The following CYP11B2 variants were observed in gnomAD, a reference collection of about 807,000 sequenced individuals.
The protein encoded by CYP11B2 is cytochrome P450 11B2, mitochondrial.
A neutral mutation model predicts 49.3 loss-of-function variants in CYP11B2; 38 were observed. The observed-to-expected ratio is 0.77, with a 90% confidence interval of 0.59 to 1.01. CYP11B2 has a LOEUF of 1.01. CYP11B2 is among the 50% of genes least tolerant of loss of function. The probability of loss-of-function intolerance (pLI) is 0.00; values close to 1 mark genes in which losing one functional copy is unlikely to be tolerated. For missense variants in CYP11B2, 669 were observed against 655.5 expected (o/e 1.02, Z -0.23); for synonymous variants, 290 against 269.3 (o/e 1.08, Z -0.75).
Position 142,914,375 on chromosome 8 carries a change from G to A in CYP11B2, c.843C>T (p.Asn281=), listed in dbSNP as rs763373087. 1.9e-6 allele frequency: 3 copies of A among 1,613,436 alleles called. No individual in the cohort carries two copies. The highest frequency in any genetic ancestry group is 1.7e-5 in the Admixed American group (1 of 59,982). Residue 281 remains asparagine (N), a synonymous_variant, in exon 5 of 9, where the codon AAC becomes AAT. Coordinates refer to ENST00000323110, the MANE Select transcript of CYP11B2 (RefSeq NM_000498.3). ...IQKIYQELAF[N]RPQHYTGIVA... is the part of the protein sequence containing the mutation. ...CGATGCCTGTGTAGTGTTGAGGGCGGTTGAAGGCCAGTTCCTGGTAGATTT... is the reference window on the plus strand; with the variant it reads ...CGATGCCTGTGTAGTGTTGAGGGCGATTGAAGGCCAGTTCCTGGTAGATTT...
chr8:142,912,911 G>A, intron 6 of CYP11B2, 26 bp from the exon 7 acceptor site: 1 of 1,604,458 alleles, frequency 6.2e-7, no homozygotes, highest in Non-Finnish European at 8.5e-7. Context: ...TCCATAGAAA[G>A]GGTCCTCAGC....
chr8:142,912,228 T>G, intron 8 of CYP11B2, 135 bp from the exon 9 acceptor site: 2 of 1,467,842 alleles, frequency 1.4e-6, no homozygotes, highest in Non-Finnish European at 1.9e-6. Flanking sequence ...ATCCCACTTC[T>G]GACCAGCCCC....
At chr8:142,915,401 T>C (rs1238164940) in intron 2 of CYP11B2, among the ~76,000 whole-genome samples, 156 bp from the exon 3 acceptor site, 1 of 151,524 alleles carries the variant, frequency 6.6e-6, no homozygotes, top group Non-Finnish European at 1.5e-5. Context: ...CTGCAGCCTT[T>C]TCTCAGAGCG....
At chr8:142,916,346 A>G in intron 2 of CYP11B2, 2 of 451,016 alleles carry the variant, frequency 4.4e-6, no homozygotes, top group Non-Finnish European at 8.9e-6. Context: ...CCTACCATGG[A>G]GTGGGGGCTG....
In CYP11B2 at chr8:142,911,990, G is replaced by A. The variant is rs201723054; in HGVS notation, c.1502C>T (p.Ala501Val). The change falls in exon 9 of 9, where the codon GCG (alanine) becomes GTG (valine). Residue 501 changes from alanine to valine, a missense_variant. Physicochemically the swap from Ala to Val is moderately conservative, Grantham distance 64. Coordinates refer to ENST00000323110, the MANE Select transcript of CYP11B2 (RefSeq NM_000498.3). ...GGTGCAGATGCAAGACTAGTTAATCGCTCTGAAAGTGAGGAGGGGGGACGT... is the reference window on the plus strand; with the variant it reads ...GGTGCAGATGCAAGACTAGTTAATCACTCTGAAAGTGAGGAGGGGGGACGT... ...PGTSPLLTFR[A>V]IN 1.9e-6 allele frequency: 3 copies of A among 1,613,858 alleles called. No homozygotes were observed. The highest frequency in any genetic ancestry group is 1.7e-5 in the Admixed American group (1 of 59,976).
chr8:142,916,771 C>G (rs149875249), intron 2 of CYP11B2, among the ~76,000 whole-genome samples: 24 of 152,286 alleles, frequency 1.6e-4, no homozygotes, highest in South Asian at 4.1e-4. Flanking sequence ...AGAAAGCAGC[C>G]GCCGAGGTTG....
In CYP11B2 at chr8:142,917,172, C is replaced by T. The variant is rs141789054; in HGVS notation, c.282G>A (p.Pro94=). The change falls in exon 2 of 9, where the codon CCG becomes CCA. Residue 94 remains proline, a synonymous_variant. Coordinates refer to ENST00000323110, the MANE Select transcript of CYP11B2 (RefSeq NM_000498.3). ...GGPRMVCVML[P]EDVEKLQQVD... is the part of the protein sequence containing the mutation. ...CCTGTTGCAGCTTCTCCACATCCTC[C>T]GGCAGCATCACACACACCATGCGTG... 2.0e-4 allele frequency: 316 copies of T among 1,614,168 alleles called. No homozygotes were observed. The African/African-American group carries it at 2.7e-3, about 14-fold the overall frequency.
intron 6 of CYP11B2, 24 bp downstream of exon 6, chr8:142,913,261 A>C: frequency 6.2e-7 from 1 of 1,611,016 alleles, no homozygotes; most frequent in Middle Eastern, 1.7e-4. Flanking sequence ...CCAGGGCCAC[A>C]GGGAGGCCTC....
intron 2 of CYP11B2, among the ~76,000 whole-genome samples, chr8:142,916,782 G>T (rs1158785668): frequency 1.3e-5 from 2 of 152,182 alleles, no homozygotes; most frequent in African/African-American, 4.8e-5. Context: ...GCCGAGGTTG[G>T]TGCAGAGCGG....
chr8:142,912,502 T>TGCC, intron 8 of CYP11B2, 28 bp downstream of exon 8: 1 of 1,235,732 alleles, frequency 8.1e-7, no homozygotes, highest in Non-Finnish European at 1.2e-6. Flanking sequence ...GCTGCCCAGG[T>TGCC]CCCGCCCCCG....
intron 2 of CYP11B2, among the ~76,000 whole-genome samples, 161 bp downstream of exon 2, chr8:142,916,898 G>A (rs1366453462): frequency 2.0e-5 from 3 of 152,152 alleles, no homozygotes; most frequent in South Asian, 2.1e-4. Flanking sequence ...GTGCAGACGC[G>A]ACCCCACAGG....
At position 142,913,374 on chromosome 8, in the gene CYP11B2, G is replaced by A. The variant is rs373010078; in HGVS notation, c.1032C>T (p.Ser344=). 6.2e-6 allele frequency: 10 copies of A among 1,613,806 alleles called. No individual in the cohort carries two copies. In the African/African-American group the frequency reaches 1.2e-4, roughly 19 times the overall value. Residue 344 remains serine (S), a synonymous_variant, in exon 6 of 9, where the codon AGC becomes AGT. Transcript: ENST00000323110. ...CACTGATGCTGGCTGCGGCGGCCAG[G>A]CTCTCCTGGCGCAGGATCTGCTGCA... ...PDVQQILRQE[S]LAAAASISEH...
chr8:142,911,920 C>T lies in CYP11B2; in HGVS notation c.*60G>A, dbSNP rs1009894155. The T allele has an allele frequency of 2.8e-5, 45 of 1,612,038 alleles. No individual in the cohort carries two copies. The highest frequency in any genetic ancestry group is 3.3e-5 in the Non-Finnish European group (39 of 1,179,028). On this transcript the variant is annotated 3_prime_UTR_variant, in exon 9 of 9. Coordinates refer to ENST00000323110, the MANE Select transcript of CYP11B2 (RefSeq NM_000498.3). Reference sequence around the variant, plus strand: ...TGCACGTGGGAGAGAAGACAGGTGGCCTGGGGTCAGGCAGAGGGAAGCTGG... The same window carrying T: ...TGCACGTGGGAGAGAAGACAGGTGGTCTGGGGTCAGGCAGAGGGAAGCTGG...
At chr8:142,914,154 G>T in intron 5 of CYP11B2, 110 bp downstream of exon 5, 1 of 1,250,214 alleles carries the variant, frequency 8.0e-7, no homozygotes, top group Non-Finnish European at 1.2e-6. Context: ...GAAATGTGGG[G>T]CCTGTAGCCT....
chr8:142,917,301 C>A, intron 1 of CYP11B2, 87 bp from the exon 2 acceptor site: 1 of 1,490,452 alleles, frequency 6.7e-7, no homozygotes, highest in South Asian at 1.1e-5. Context: ...TGTCTCCTGT[C>A]CACCCTCCCT....
Position 142,912,516 on chromosome 8 carries a change from C to T in CYP11B2, c.1398+14G>A, listed in dbSNP as rs761643412. 2.2e-5 allele frequency: 36 copies of T among 1,611,598 alleles called. No individual in the cohort carries two copies. Among genetic ancestry groups the T allele is most frequent in the Non-Finnish European group, 2.8e-5 (33 of 1,179,190 alleles). On this transcript the variant is annotated intron_variant, in intron 8 of 8. Transcript: ENST00000323110. ...TGCTGCCCAGGTCCCGCCCCCGCCCCCAGGCCTGCTTACGTGGTGCAGCAG... is the reference window on the plus strand; with the variant it reads ...TGCTGCCCAGGTCCCGCCCCCGCCCTCAGGCCTGCTTACGTGGTGCAGCAG...
intron 4 of CYP11B2, 139 bp from the exon 5 acceptor site, chr8:142,914,557 C>T (rs1817604106): frequency 1.5e-6 from 2 of 1,361,324 alleles, no homozygotes; most frequent in African/African-American, 3.1e-5. Flanking sequence ...CAGCCCAGCC[C>T]CAGCCTCGCA....
At chr8:142,913,087 G>C (rs1300181011) in intron 6 of CYP11B2, among the ~76,000 whole-genome samples, 198 bp downstream of exon 6, 1 of 151,214 alleles carries the variant, frequency 6.6e-6, no homozygotes, top group Admixed American at 6.6e-5. Context: ...CATGCCCCAC[G>C]TTAATCCCCA....
chr8:142,914,746 C>A lies in CYP11B2; in HGVS notation c.758G>T (p.Trp253Leu). 1 of 1,613,272 alleles carries A rather than the reference C, an allele frequency of 6.2e-7. No individual in the cohort carries two copies. Among genetic ancestry groups the A allele is most frequent in the Non-Finnish European group, 8.5e-7 (1 of 1,179,818 alleles). Residue 253 changes from tryptophan to leucine, a missense_variant, in exon 4 of 9, where the codon TGG becomes TTG. By Grantham distance (61) the Trp-to-Leu change is moderately conservative. Coordinates refer to ENST00000323110, the MANE Select transcript of CYP11B2 (RefSeq NM_000498.3). Reference sequence around the variant, plus strand: ...GTCCCAGGCCTCAAAGTGCTCCTTCCACACCTTGGGGCTGATCCAGCGAGA... The same window carrying A: ...GTCCCAGGCCTCAAAGTGCTCCTTCAACACCTTGGGGCTGATCCAGCGAGA... ...SLSRWISPKV[W>L]KEHFEAWDCI...
Sources: allele counts gnomAD v4.1 joint callset (sites outside exome capture counted in the v4.1 genomes callset), GRCh38; gene constraint gnomAD v4.1.1; transcripts MANE v1.5; gene names NCBI Gene and HGNC (gene_info 2026-07-23, HGNC 2026-07-21).